Variants in UGT2B7 observed in about 807,000 individuals in gnomAD.
UGT2B7 encodes UDP glucuronosyltransferase family 2 member B7.
Under a neutral mutation model 51.9 loss-of-function variants are expected in UGT2B7, and 51 were observed. That is an observed-to-expected ratio of 0.98 (90% CI 0.78 to 1.24). UGT2B7 has a LOEUF of 1.24. Among genes scored for constraint, UGT2B7 ranks in the 50% most tolerant of loss-of-function variants. The pLI is 0.00. For synonymous variants in UGT2B7, 225 were observed against 211.6 expected (o/e 1.06, Z -0.55); for missense variants, 727 against 628.4 (o/e 1.16, Z -1.68).
At chr4:69,112,347 C>G in intron 5 of UGT2B7, 110 bp from the exon 6 acceptor site, 7 of 1,418,598 alleles carry the variant, frequency 4.9e-6, no homozygotes, top group South Asian at 4.3e-5. Context: ...AGAGAGGAGT[C>G]TTGCCGATGC....
At chr4:69,109,259 A>G (rs1467741168) in intron 5 of UGT2B7, among the ~76,000 whole-genome samples, 1 of 152,164 alleles carries the variant, frequency 6.6e-6, no homozygotes, top group Non-Finnish European at 1.5e-5. Context: ...GGTTGATACT[A>G]TAAGTGGAAT....
At chr4:69,097,887 G>T (rs1298638534) in intron 1 of UGT2B7, among the ~76,000 whole-genome samples, 1 of 151,944 alleles carries the variant, frequency 6.6e-6, no homozygotes. Context: ...TTGAAACTAT[G>T]TCTCTTTATT....
intron 1 of UGT2B7, among the ~76,000 whole-genome samples, chr4:69,061,180 G>C (rs1383017523): frequency 6.6e-6 from 1 of 152,170 alleles, no homozygotes; most frequent in Non-Finnish European, 1.5e-5. Flanking sequence ...GCTAGCAAAA[G>C]ACCAGAAGGC....
rs573113089 is a variant in UGT2B7 at position 69,105,317 on chromosome 4, G to A, written c.1003-1858G>A. Among the ~76,000 whole-genome samples, 22 of 152,264 alleles carry A rather than the reference G, an allele frequency of 1.4e-4. No individual in the cohort carries two copies. The South Asian group carries it at 4.3e-3, about 30-fold the overall frequency. On this transcript the variant is annotated intron_variant, in intron 3 of 5. Transcript: ENST00000305231. ...ATAAGCCAGTGACCTTTGTGTATTT[G>A]TCAATTACTTTTTAATTTCCTGCCT... is the stretch of plus-strand genomic sequence containing the variant.
intron 5 of UGT2B7, among the ~76,000 whole-genome samples, chr4:69,111,983 A>G (rs1331919232): frequency 6.6e-6 from 1 of 152,136 alleles, no homozygotes; most frequent in African/African-American, 2.4e-5. Context: ...TAGGGAGGAG[A>G]CCATGCTTCA....
At chr4:69,090,421 A>G (rs1719060997) in intron 2 of UGT2B7, among the ~76,000 whole-genome samples, 1 of 152,248 alleles carries the variant, frequency 6.6e-6, no homozygotes, top group South Asian at 2.1e-4. Flanking sequence ...AAGACAAACA[A>G]AATTCAACAT....
At chr4:69,091,519 CAA>C (rs544774597), upstream of UGT2B7, among the ~76,000 whole-genome samples, 640 of 152,138 alleles carry the variant, frequency 4.2e-3, 2 homozygotes, top group African/African-American at 0.015. Flanking sequence ...TAATAAACAT[CAA>C]GTTTCAAAAT....
Position 69,087,404 on chromosome 4 carries a change from G to T in UGT2B7, c.-158-2068G>T, listed in dbSNP as rs552994572. ...CTTTTCATATTTCCATCTCTTAATTGTAGTTATGATTTTCTTTAATAACTT... is the reference window on the plus strand; with the variant it reads ...CTTTTCATATTTCCATCTCTTAATTTTAGTTATGATTTTCTTTAATAACTT... On this transcript the variant is annotated intron_variant, in intron 1 of 5. Coordinates refer to the UGT2B7 transcript ENST00000502942. Among the ~76,000 whole-genome samples the T allele has an allele frequency of 4.6e-5, 7 of 151,618 alleles. No individual in the cohort carries two copies. The South Asian group carries it at 1.5e-3, about 32-fold the overall frequency.
At chr4:69,060,346 AAG>A (rs986370778) in intron 1 of UGT2B7, among the ~76,000 whole-genome samples, 1 of 152,216 alleles carries the variant, frequency 6.6e-6, no homozygotes, top group African/African-American at 2.4e-5. Flanking sequence ...ACCCGGTGAC[AAG>A]AGAGTTCCTA....
chr4:69,096,500 C>T lies in UGT2B7; in HGVS notation c.-21C>T, dbSNP rs769046216. ...ACAGAAAGGAACAGCAACTGGAAAA[C>T]AAGCATTGCATTGCACCAGGATGTC... On this transcript the variant is annotated 5_prime_UTR_variant, in exon 1 of 6. Transcript: ENST00000305231. 1.2e-6 allele frequency: 2 copies of T among 1,611,342 alleles called. No individual in the cohort carries two copies. Among genetic ancestry groups the T allele is most frequent in the Non-Finnish European group, 8.5e-7 (1 of 1,179,248 alleles).
chr4:69,085,469 T>C (rs554134807), intron 1 of UGT2B7, among the ~76,000 whole-genome samples: 1 of 152,274 alleles, frequency 6.6e-6, no homozygotes, highest in East Asian at 1.9e-4. Context: ...TTTAGTTTAA[T>C]TAGATCCCAT....
intron 5 of UGT2B7, 63 bp from the exon 6 acceptor site, chr4:69,112,394 T>C: frequency 6.4e-7 from 1 of 1,554,838 alleles, no homozygotes; most frequent in South Asian, 1.2e-5. Context: ...TTTAACTCGG[T>C]GTCTGAGGGG....
At chr4:69,071,276 T>C (rs190891359) in intron 1 of UGT2B7, among the ~76,000 whole-genome samples, 8 of 152,220 alleles carry the variant, frequency 5.3e-5, no homozygotes, top group Non-Finnish European at 1.0e-4. Context: ...CCAACCACTT[T>C]AATATCTGGA....
intron 1 of UGT2B7, among the ~76,000 whole-genome samples, chr4:69,079,559 A>G (rs1449052072): frequency 6.6e-6 from 1 of 152,138 alleles, no homozygotes; most frequent in African/African-American, 2.4e-5. Flanking sequence ...TTGATTTACT[A>G]AGTTTACTTA....
At chr4:69,107,832 CTT>C (rs1719650034) in intron 4 of UGT2B7, among the ~76,000 whole-genome samples, 1 of 152,044 alleles carries the variant, frequency 6.6e-6, no homozygotes, top group Non-Finnish European at 1.5e-5. Flanking sequence ...TCTTTGCTGT[CTT>C]CTTTTTTGCA....
chr4:69,104,720 C>T (rs1409188415), intron 3 of UGT2B7, among the ~76,000 whole-genome samples: 1 of 152,144 alleles, frequency 6.6e-6, no homozygotes. Flanking sequence ...AATTCTGCCC[C>T]TGTCATTTGA....
rs1197092441 is a variant in UGT2B7, at chr4:69,112,720, A to C, written c.1574A>C (p.Lys525Thr). 4 of 1,613,896 alleles carry C rather than the reference A, an allele frequency of 2.5e-6. No homozygotes were observed. Among genetic ancestry groups the C allele is most frequent in the African/African-American group, 1.3e-5 (1 of 75,016 alleles). ...TGGAAGTTTGCTAGAAAAGCAAAGA[A>C]GGGAAAAAATGATTAGTTATATCTG... ...CFWKFARKAK[K>T]GKND The change falls in exon 6 of 6, where the codon AAG becomes ACG. Residue 525 changes from lysine to threonine, a missense_variant. Transcript: ENST00000305231.
At chr4:69,054,668 A>G (rs1718134754) in intron 1 of UGT2B7, among the ~76,000 whole-genome samples, 1 of 151,902 alleles carries the variant, frequency 6.6e-6, no homozygotes, top group South Asian at 2.1e-4. Context: ...TAGGAGTTGT[A>G]TGTAGATAGG....
At chr4:69,080,818 G>A (rs1718821039) in intron 1 of UGT2B7, among the ~76,000 whole-genome samples, 2 of 152,118 alleles carry the variant, frequency 1.3e-5, no homozygotes, top group Non-Finnish European at 2.9e-5. Context: ...AGAAATAAAT[G>A]CGATTCAACT....
Sources: gnomAD v4.1 joint callset for allele counts (sites outside exome capture counted in the v4.1 genomes callset) on GRCh38, gnomAD v4.1.1 for gene constraint, MANE v1.5 for transcripts, NCBI Gene and HGNC (gene_info 2026-07-23, HGNC 2026-07-21) for gene names.